SLC2A6: variants seen among roughly 807,000 people sequenced by gnomAD.
SLC2A6 encodes solute carrier family 2, facilitated glucose transporter member 6.
In SLC2A6, 39 loss-of-function variants were observed where a neutral mutation model predicts 47.8. The observed-to-expected ratio is 0.82, with a 90% confidence interval of 0.63 to 1.07. SLC2A6 has a LOEUF of 1.07. Ranked by LOEUF, SLC2A6 falls within the 50% of genes least tolerant of loss-of-function variation. The pLI is 0.00. For missense variants in SLC2A6, 650 were observed against 707.6 expected, an observed-to-expected ratio of 0.92 and a Z score of 0.92; for synonymous variants, 346 against 324.1, an observed-to-expected ratio of 1.07 and a Z score of -0.73.
chr9:133,473,078 G>A, intron 9 of SLC2A6, 27 bp downstream of exon 9: 3 of 1,592,278 alleles, frequency 1.9e-6, no homozygotes, highest in African/African-American at 1.4e-5. Flanking sequence ...GGGCCTAGGG[G>A]CCTGGGGCCT....
In SLC2A6 at chr9:133,476,984, A is replaced by T. The variant is rs913582599; in HGVS notation, c.462+51T>A. ...GGAGGCCTTAGTCAGATGGAGGCTCAGCACCAATACAGAGGCATTGGGGCG... is the reference window on the plus strand; with the variant it reads ...GGAGGCCTTAGTCAGATGGAGGCTCTGCACCAATACAGAGGCATTGGGGCG... On this transcript the variant is annotated intron_variant, in intron 3 of 9. Coordinates refer to ENST00000371899, the MANE Select transcript of SLC2A6 (RefSeq NM_017585.4). 2.6e-6 allele frequency: 4 copies of T among 1,518,822 alleles called. No homozygotes were observed. The African/African-American group carries it at 5.6e-5, about 21-fold the overall frequency. 94.1% of individuals were successfully genotyped at this position (1,518,822 alleles called of 1,614,324 possible).
chr9:133,477,388 C>G, intron 2 of SLC2A6, 147 bp from the exon 3 acceptor site: 1 of 740,290 alleles, frequency 1.4e-6, no homozygotes, highest in South Asian at 1.7e-5. Context: ...AGGGAGCCTC[C>G]TGTCTTCAAG....
At chr9:133,472,826 G>C (rs1275648453) in intron 9 of SLC2A6, among the ~76,000 whole-genome samples, 3 of 152,170 alleles carry the variant, frequency 2.0e-5, no homozygotes, top group African/African-American at 4.8e-5. Context: ...CGGGGCCCCT[G>C]GCAGGGTCCT....
rs782584571 is a variant in SLC2A6, at chr9:133,478,411, AG to A, written c.97del (p.Leu33CysfsTer44). The A allele has an allele frequency of 6.2e-7, 1 of 1,614,106 alleles. No individual in the cohort carries two copies. The highest frequency in any genetic ancestry group is 8.5e-7 in the Non-Finnish European group (1 of 1,179,996). On this transcript the variant is annotated frameshift_variant, in exon 2 of 10. Coordinates refer to ENST00000371899, the MANE Select transcript of SLC2A6 (RefSeq NM_017585.4). LOFTEE classifies it high-confidence loss of function. ...SPGDRARVGT[L>X]QNKRVFLATF... is the part of the protein sequence containing the mutation. ...GGCCAGGAACACCCTTTTGTTCTGC[AG>A]GGTCCTGGTGATGGTGGCGGACAAA...
Position 133,473,989 on chromosome 9 carries a change from A to C in SLC2A6, c.1027T>G (p.Phe343Val). ...MDLAGRKVLL[F>V]VSAAIMFAAN... ...CCTGCAGGGTGCTTACCTGAGACGAAGAGCAGCACCTTGCGGCCTGCGAGG... is the reference window on the plus strand; with the variant it reads ...CCTGCAGGGTGCTTACCTGAGACGACGAGCAGCACCTTGCGGCCTGCGAGG... The change falls in exon 7 of 10, where the codon TTC becomes GTC. Residue 343 changes from phenylalanine (F) to valine (V), a missense_variant. Transcript: ENST00000371899. 6.2e-7 allele frequency: 1 copy of C among 1,606,096 alleles called. No individual in the cohort carries two copies. The highest frequency in any genetic ancestry group is 2.2e-5 in the East Asian group (1 of 44,626).
Position 133,471,739 on chromosome 9 carries a change from A to G in SLC2A6, c.*282T>C. ...AGGGAAAGGGACTAGGCCTGAGGTC[A>G]CCCAGCAGGGCCGTGTCCCTGGATG... On this transcript the variant is annotated 3_prime_UTR_variant, in exon 10 of 10. Coordinates refer to ENST00000371899, the MANE Select transcript of SLC2A6 (RefSeq NM_017585.4). 3 of 379,614 alleles carry G rather than the reference A, an allele frequency of 7.9e-6. No homozygotes were observed. The highest frequency in any genetic ancestry group is 9.6e-6 in the Non-Finnish European group (2 of 208,202). The allele number at this position is 379,614 out of a possible 1,614,324, so 23.5% of individuals were successfully genotyped here. A position where few individuals can be genotyped will look rare whatever the true frequency, so the allele number is the denominator to read the frequency against.
rs1554803573 is a variant in SLC2A6, at chr9:133,477,103, G to A, written c.394C>T (p.Leu132Phe). Residue 132 changes from leucine (L) to phenylalanine (F), a missense_variant, in exon 3 of 10, where the codon CTC (leucine) becomes TTC (phenylalanine). Leu to Phe is a conservative substitution (Grantham distance 22, BLOSUM62 0). Coordinates refer to ENST00000371899, the MANE Select transcript of SLC2A6 (RefSeq NM_017585.4). ...GYALMAGAHGLWMLLLGRTLT... is the reference protein window; with the variant it reads ...GYALMAGAHGFWMLLLGRTLT... ...GTCCTTCCGAGCAGCAGCATCCAGA[G>A]GCCGTGCGCACCCGCCATGAGCGCA... 2.6e-6 allele frequency: 4 copies of A among 1,546,822 alleles called. No homozygotes were observed. In the African/African-American group the frequency reaches 5.5e-5, roughly 21 times the overall value.
rs587714962 is a variant in SLC2A6 at position 133,474,894 on chromosome 9, G to A, written c.927+67C>T. The A allele has an allele frequency of 2.6e-5, 37 of 1,420,792 alleles. No homozygotes were observed. In the South Asian group the frequency reaches 5.2e-4, roughly 20 times the overall value. 88.0% of individuals were successfully genotyped at this position (1,420,792 alleles called of 1,614,324 possible). A position where few individuals can be genotyped will look rare whatever the true frequency, so the allele number is the denominator to read the frequency against. On this transcript the variant is annotated intron_variant, in intron 6 of 9. Coordinates refer to ENST00000371899, the MANE Select transcript of SLC2A6 (RefSeq NM_017585.4). ...TTGGGTAAGTGCAGGAGCAGGCCCT[G>A]CCTCCCCTGCCCTGCCAGCCTCCAG... is the stretch of plus-strand genomic sequence containing the variant.
chr9:133,473,067 AGGGCCTAG>A, intron 9 of SLC2A6, 30 bp downstream of exon 9: 1 of 1,569,610 alleles, frequency 6.4e-7, no homozygotes. Context: ...CCAGTCAGAG[AGGGCCTAG>A]GGGCCTGGGG....
Position 133,473,493 on chromosome 9 carries a change from C to G in SLC2A6, c.1144G>C (p.Asp382His), listed in dbSNP as rs1470951862. 3.1e-6 allele frequency: 5 copies of G among 1,601,766 alleles called. No individual in the cohort carries two copies. Among genetic ancestry groups the G allele is most frequent in the South Asian group, 2.2e-5 (2 of 88,898 alleles). ...TAGLESESWGDLAQPLAAPAG... is the reference protein window; with the variant it reads ...TAGLESESWGHLAQPLAAPAG... ...GGTGCTGCCAGGGGCTGCGCCAAGT[C>G]CCCCCAGGACTCGCTTTCCAGGCCC... Residue 382 changes from aspartate (D) to histidine (H), a missense_variant, in exon 8 of 10, where the codon GAC becomes CAC. Physicochemically the swap from Asp to His is moderately conservative, Grantham distance 81. Transcript: ENST00000371899.
Position 133,474,103 on chromosome 9 carries a change from C to T in SLC2A6, c.928-15G>A, listed in dbSNP as rs1554802638. The T allele has an allele frequency of 3.2e-6, 5 of 1,580,076 alleles. No individual in the cohort carries two copies. The Admixed American group carries it at 8.9e-5, about 28-fold the overall frequency. On this transcript the variant is annotated splice_polypyrimidine_tract_variant and intron_variant, in intron 6 of 9. Coordinates refer to ENST00000371899, the MANE Select transcript of SLC2A6 (RefSeq NM_017585.4). ...TCCTTGGGGGGCTATCGGGGGGAGA[C>T]CACCAGGGCTGAGGGACCTGCCTGC...
chr9:133,472,525 GTTC>G (rs1457169987), intron 9 of SLC2A6, among the ~76,000 whole-genome samples: 2 of 152,142 alleles, frequency 1.3e-5, no homozygotes, highest in African/African-American at 2.4e-5. Flanking sequence ...GGGCACGCAG[GTTC>G]TTCTTGGACC....
At chr9:133,478,666 G>T in intron 1 of SLC2A6, 1 of 595,298 alleles carries the variant, frequency 1.7e-6, no homozygotes, top group South Asian at 2.2e-5. Flanking sequence ...CTCTGGTTCT[G>T]CCCCCAGGGC....
chr9:133,477,111 G>A lies in SLC2A6; in HGVS notation c.386C>T (p.Ala129Val), dbSNP rs1554803581. Reference protein sequence around the residue: ...SAAGYALMAGAHGLWMLLLGR... With the variant: ...SAAGYALMAGVHGLWMLLLGR... The stretch of plus-strand genomic sequence containing the variant: ...GAGCAGCAGCATCCAGAGGCCGTGC[G>A]CACCCGCCATGAGCGCATAGCCGGC... Residue 129 changes from alanine to valine, a missense_variant, in exon 3 of 10, where the codon GCG becomes GTG. Transcript: ENST00000371899. 11 of 1,546,102 alleles carry A rather than the reference G, an allele frequency of 7.1e-6. No individual in the cohort carries two copies. The highest frequency in any genetic ancestry group is 1.4e-5 in the African/African-American group (1 of 72,892).
At chr9:133,475,268 C>A in intron 5 of SLC2A6, 132 bp downstream of exon 5, 8 of 1,358,352 alleles carry the variant, frequency 5.9e-6, no homozygotes, top group Non-Finnish European at 7.8e-6. Context: ...GGAACAGCCC[C>A]CCACCCCAAC....
At chr9:133,473,001 G>T in intron 9 of SLC2A6, 104 bp downstream of exon 9, 1 of 1,280,622 alleles carries the variant, frequency 7.8e-7, no homozygotes, top group Non-Finnish European at 1.1e-6. Flanking sequence ...GTCACTGAGA[G>T]TTAGGGTCCT....
At position 133,474,528 on chromosome 9, in the gene SLC2A6, G is replaced by A. The variant is rs587749895; in HGVS notation, c.927+433C>T. On this transcript the variant is annotated intron_variant, in intron 6 of 9. Transcript: ENST00000371899. ...GGGTCTGTGGCCTCAAGGGGTCCACGTTTCTATAAAGCTGGTTTCCTTTGT... is the reference window on the plus strand; with the variant it reads ...GGGTCTGTGGCCTCAAGGGGTCCACATTTCTATAAAGCTGGTTTCCTTTGT... Among the ~76,000 whole-genome samples the A allele has an allele frequency of 2.0e-4, 31 of 152,312 alleles. No individual in the cohort carries two copies. The Middle Eastern group carries it at 0.017, about 84-fold the overall frequency.
Position 133,477,134 on chromosome 9 carries a change from G to C in SLC2A6, c.363C>G (p.Ala121=), listed in dbSNP as rs113088827. 9.1e-5 allele frequency: 141 copies of C among 1,549,464 alleles called. 3 individuals carry two copies. In the African/African-American group the frequency reaches 1.1e-3, roughly 12 times the overall value. The stretch of plus-strand genomic sequence containing the variant: ...GCGCACCCGCCATGAGCGCATAGCC[G>C]GCCGCCGACGGCACAGCTGAGAACA... ...SIMFSAVPSA[A]GYALMAGAHG... The change falls in exon 3 of 10, where the codon GCC becomes GCG. Residue 121 remains alanine (A), a synonymous_variant. Transcript: ENST00000371899.
Position 133,473,185 on chromosome 9 carries a change from G to A in SLC2A6, c.1288C>T (p.Arg430Cys), listed in dbSNP as rs1056670113. The A allele has an allele frequency of 3.7e-6, 6 of 1,606,630 alleles. No individual in the cohort carries two copies. The highest frequency in any genetic ancestry group is 3.4e-6 in the Non-Finnish European group (4 of 1,177,412). The change falls in exon 9 of 10, where the codon CGT (arginine) becomes TGT (cysteine). Residue 430 changes from arginine to cysteine, a missense_variant. Physicochemically the swap from Arg to Cys is radical, Grantham distance 180. Coordinates refer to ENST00000371899, the MANE Select transcript of SLC2A6 (RefSeq NM_017585.4). ...ACGCAGAGCCCTGAGGCCACGCCAC[G>A]GGCACGCAGGGGCAGGACCTCAGAC... ...LMSEVLPLRA[R>C]GVASGLCVLA...
Sources: allele counts gnomAD v4.1 joint callset (sites outside exome capture counted in the v4.1 genomes callset), GRCh38; gene constraint gnomAD v4.1.1; transcripts MANE v1.5; gene names NCBI Gene and HGNC (gene_info 2026-07-23, HGNC 2026-07-21).